The following FBN2 variants were observed in gnomAD, a reference collection of about 807,000 sequenced individuals.
The protein encoded by FBN2 is fibrillin-2.
A neutral mutation model predicts 355.6 loss-of-function variants in FBN2; 105 were observed. That is an observed-to-expected ratio of 0.30 (90% CI 0.25 to 0.35). The LOEUF is 0.35. FBN2 is among the 10% of genes least tolerant of loss of function. FBN2 has a pLI of 1.00. For missense variants in FBN2, 3,280 were observed against 3,758.7 expected, an observed-to-expected ratio of 0.87 and a Z score of 3.33; for synonymous variants, 1,350 against 1,301.2, an observed-to-expected ratio of 1.04 and a Z score of -0.81.
Position 128,299,367 on chromosome 5 carries a change from C to A in FBN2, c.6166+1450G>T, listed in dbSNP as rs552904107. Among the ~76,000 whole-genome samples the A allele has an allele frequency of 2.3e-4, 34 of 150,178 alleles. No homozygotes were observed. The East Asian group carries it at 5.2e-3, about 23-fold the overall frequency. Reference sequence around the variant, plus strand: ...GAGCTGTGGTGGGCTCCAAACAGTTCGAGCTTCCGGGCTGCTTTGTTTACC... The same window carrying A: ...GAGCTGTGGTGGGCTCCAAACAGTTAGAGCTTCCGGGCTGCTTTGTTTACC... On this transcript the variant is annotated intron_variant, in intron 48 of 64. Coordinates refer to ENST00000262464, the MANE Select transcript of FBN2 (RefSeq NM_001999.4).
intron 31 of FBN2, among the ~76,000 whole-genome samples, chr5:128,334,383 A>C (rs1461196216): frequency 6.6e-6 from 1 of 152,146 alleles, no homozygotes; most frequent in Non-Finnish European, 1.5e-5. Context: ...TTTGTACATG[A>C]ATGTCTTCCA....
At chr5:128,524,167 A>T (rs1333992144) in intron 4 of FBN2, among the ~76,000 whole-genome samples, 1 of 152,070 alleles carries the variant, frequency 6.6e-6, no homozygotes, top group Non-Finnish European at 1.5e-5. Flanking sequence ...TCCAAAATAC[A>T]TGGAGTCTGT....
In FBN2 at chr5:128,318,243, G is replaced by A; in HGVS notation, c.4623C>T (p.Asn1541=). 6.2e-7 allele frequency: 1 copy of A among 1,613,958 alleles called. No homozygotes were observed. Among genetic ancestry groups the A allele is most frequent in the Non-Finnish European group, 8.5e-7 (1 of 1,179,904 alleles). The change falls in exon 36 of 65, where the codon AAC becomes AAT. Residue 1541 remains asparagine, a synonymous_variant. Transcript: ENST00000262464. ...TGTTGACACATAGGCCATTGACACA[G>A]TTTATAGGATCTGCACACTCATCAA... ...TDIDECADPI[N]CVNGLCVNTP...
chr5:128,460,822 T>C (rs1240872596), intron 6 of FBN2, among the ~76,000 whole-genome samples: 1 of 152,188 alleles, frequency 6.6e-6, no homozygotes, highest in Admixed American at 6.5e-5. Context: ...AAATTGAAAC[T>C]GGACCCCTTC....
At chr5:128,477,301 G>A (rs950731249) in intron 5 of FBN2, among the ~76,000 whole-genome samples, 3 of 152,128 alleles carry the variant, frequency 2.0e-5, no homozygotes, top group Non-Finnish European at 4.4e-5. Context: ...TATTGGAGTA[G>A]TTGTCTCCCA....
chr5:128,440,273 T>A (rs2127046025), intron 7 of FBN2, among the ~76,000 whole-genome samples: 1 of 152,336 alleles, frequency 6.6e-6, no homozygotes, highest in East Asian at 1.9e-4. Flanking sequence ...CCTGTATTAA[T>A]CCATTTTCAC....
rs1387727490 is a variant in FBN2 at position 128,287,552 on chromosome 5, T to C, written c.6758-122A>G. 7 of 1,023,092 alleles carry C rather than the reference T, an allele frequency of 6.8e-6. No individual in the cohort carries two copies. The East Asian group carries it at 1.5e-4, about 22-fold the overall frequency. The allele number at this position is 1,023,092 out of a possible 1,614,324, so 63.4% of individuals were successfully genotyped here. A position where few individuals can be genotyped will look rare whatever the true frequency, so the allele number is the denominator to read the frequency against. On this transcript the variant is annotated intron_variant, in intron 53 of 64. Coordinates refer to ENST00000262464, the MANE Select transcript of FBN2 (RefSeq NM_001999.4). ...GCAATAGAATAGTAGAACTTACACATCTGGTACGCAGAATTTAGTACCTAA... is the reference window on the plus strand; with the variant it reads ...GCAATAGAATAGTAGAACTTACACACCTGGTACGCAGAATTTAGTACCTAA...
intron 5 of FBN2, among the ~76,000 whole-genome samples, chr5:128,486,229 A>G (rs2127117759): frequency 6.6e-6 from 1 of 152,276 alleles, no homozygotes; most frequent in East Asian, 1.9e-4. Context: ...TCTTCTTATA[A>G]ATGCAGACGC....
intron 62 of FBN2, among the ~76,000 whole-genome samples, chr5:128,267,872 C>A (rs1274850707): frequency 6.6e-6 from 1 of 152,178 alleles, no homozygotes; most frequent in Non-Finnish European, 1.5e-5. Flanking sequence ...CTCTGAGACA[C>A]AGCTAAAGCA....
At chr5:128,274,728 G>T in intron 59 of FBN2, 45 bp from the exon 60 acceptor site, 1 of 1,147,358 alleles carries the variant, frequency 8.7e-7, no homozygotes, top group Non-Finnish European at 1.3e-6. Context: ...AGACTATCTG[G>T]CTATGTTTCC....
intron 23 of FBN2, among the ~76,000 whole-genome samples, chr5:128,346,230 A>G (rs773812966): frequency 6.6e-6 from 1 of 152,222 alleles, no homozygotes; most frequent in Non-Finnish European, 1.5e-5. Context: ...GGACCTTAGA[A>G]TATCTATAAA....
intron 5 of FBN2, among the ~76,000 whole-genome samples, chr5:128,511,248 G>A (rs958714521): frequency 6.6e-6 from 1 of 152,176 alleles, no homozygotes; most frequent in Non-Finnish European, 1.5e-5. Flanking sequence ...AATGACGTTT[G>A]TGGAGAACTG....
At chr5:128,272,463 C>CAT (rs3083327) in intron 61 of FBN2, among the ~76,000 whole-genome samples, 69,661 of 139,568 alleles carry the variant, frequency 0.5, 17,488 homozygotes, top group East Asian at 0.65. Flanking sequence ...TTTGGTAAAT[C>CAT]ATATATATAT....
intron 25 of FBN2, among the ~76,000 whole-genome samples, chr5:128,342,900 G>C (rs921327559): frequency 4.6e-5 from 7 of 151,902 alleles, no homozygotes; most frequent in Non-Finnish European, 8.8e-5. Flanking sequence ...GGCTAATTTT[G>C]TATTCTTAGT....
At chr5:128,482,221 T>C (rs1342401367) in intron 5 of FBN2, among the ~76,000 whole-genome samples, 2 of 152,068 alleles carry the variant, frequency 1.3e-5, no homozygotes, top group Non-Finnish European at 2.9e-5. Context: ...CTTCTTCCTA[T>C]TGGGAGGATG....
Position 128,537,627 on chromosome 5 carries a change from C to G in FBN2, c.-24G>C, listed in dbSNP as rs190369608. The G allele has an allele frequency of 2.9e-4, 463 of 1,601,930 alleles. 1 individual carries two copies. The African/African-American group carries it at 5.1e-3, about 18-fold the overall frequency. On this transcript the variant is annotated 5_prime_UTR_variant, in exon 1 of 65. Transcript: ENST00000262464. ...ATCGCCGGCGCCGAAAGCGCGCGGC[C>G]GTAGACCCGCGGAGAGGGAGTGATC...
chr5:128,309,454 T>C (rs1301115600), intron 40 of FBN2, 55 bp from the exon 41 acceptor site: 2 of 1,488,030 alleles, frequency 1.3e-6, no homozygotes, highest in African/African-American at 1.4e-5. Flanking sequence ...TAGTTTATAA[T>C]GAAGCCCACA....
chr5:128,314,521 T>C (rs1278991907), intron 36 of FBN2, among the ~76,000 whole-genome samples: 1 of 152,124 alleles, frequency 6.6e-6, no homozygotes, highest in Non-Finnish European at 1.5e-5. Context: ...TTTCACCATG[T>C]TGGCCAGGAT....
At chr5:128,309,460 C>T in intron 40 of FBN2, 61 bp from the exon 41 acceptor site, 1 of 1,436,534 alleles carries the variant, frequency 7.0e-7, no homozygotes, top group Non-Finnish European at 9.8e-7. Context: ...ATAATGAAGC[C>T]CACACAGCTG....
Sources: gnomAD v4.1 joint callset for allele counts (sites outside exome capture counted in the v4.1 genomes callset) on GRCh38, gnomAD v4.1.1 for gene constraint, MANE v1.5 for transcripts, NCBI Gene and HGNC (gene_info 2026-07-23, HGNC 2026-07-21) for gene names.